The following EPB41 variants were observed in gnomAD, a reference collection of about 807,000 sequenced individuals.
EPB41 encodes the protein erythrocyte membrane protein band 4.1.
In EPB41, 65 loss-of-function variants were observed where a neutral mutation model predicts 108.0. The observed-to-expected ratio is 0.60, with a 90% CI of 0.49 to 0.74. The LOEUF (loss-of-function observed/expected upper bound fraction) is 0.74. Among genes scored for constraint, EPB41 ranks in the 30% least tolerant of loss-of-function variants. EPB41 has a pLI of 0.00. For synonymous variants in EPB41, 336 were observed against 358.9 expected (o/e 0.94, Z 0.72); for missense variants, 875 against 1,037.0 (o/e 0.84, Z 2.15).
chr1:29,045,807 T>TGA (rs1231556827), intron 11 of EPB41, among the ~76,000 whole-genome samples: 2 of 103,774 alleles, frequency 1.9e-5, no homozygotes, highest in African/African-American at 3.5e-5. Context: ...ACCCTGTCTC[T>TGA]AAAAAAAAAA....
At chr1:28,963,018 T>A (rs2095263095) in intron 1 of EPB41, among the ~76,000 whole-genome samples, 1 of 152,232 alleles carries the variant, frequency 6.6e-6, no homozygotes, top group African/African-American at 2.4e-5. Context: ...GATTTTTAGA[T>A]ATCTTTGCAT....
intron 1 of EPB41, among the ~76,000 whole-genome samples, chr1:28,953,237 C>T (rs908260293): frequency 6.6e-6 from 1 of 152,002 alleles, no homozygotes; most frequent in Non-Finnish European, 1.5e-5. Flanking sequence ...ATCATTTATC[C>T]TGTAGAATTT....
At chr1:29,111,166 CAA>C (rs1313702265) in intron 18 of EPB41, among the ~76,000 whole-genome samples, 12 of 108,666 alleles carry the variant, frequency 1.1e-4, no homozygotes, top group Non-Finnish European at 1.2e-4. Context: ...GACTCCATCT[CAA>C]AAAAAAAAAA....
chr1:29,083,933 G>A (rs1025448276), intron 16 of EPB41, among the ~76,000 whole-genome samples: 6 of 152,096 alleles, frequency 3.9e-5, no homozygotes, highest in Non-Finnish European at 7.4e-5. Context: ...GACCATCTGG[G>A]GGTATTACTT....
chr1:28,898,837 C>A (rs1351981857), intron 1 of EPB41, among the ~76,000 whole-genome samples: 1 of 152,254 alleles, frequency 6.6e-6, no homozygotes, highest in Non-Finnish European at 1.5e-5. Flanking sequence ...GAGGCCAAAG[C>A]CAGCAGCAGC....
At chr1:28,949,248 A>G (rs2148929547) in intron 1 of EPB41, among the ~76,000 whole-genome samples, 1 of 152,326 alleles carries the variant, frequency 6.6e-6, no homozygotes, top group East Asian at 1.9e-4. Context: ...GTTTGGGACC[A>G]GCTTGGGCAA....
chr1:28,887,285 C>CAA lies in EPB41; in HGVS notation c.-8+76_-8+77dup. 8.0e-7 allele frequency: 1 copy of CAA among 1,249,018 alleles called. No individual in the cohort carries two copies. The allele number at this position is 1,249,018 out of a possible 1,614,324, so 77.4% of individuals were successfully genotyped here. ...GGTTAGGGACAGAAGAACCTACCCCCAAGGGCTCGGACCGTCCCGGGAGAG... is the reference window on the plus strand; with the variant it reads ...GGTTAGGGACAGAAGAACCTACCCCCAAAAGGGCTCGGACCGTCCCGGGAGAG... On this transcript the variant is annotated intron_variant, in intron 1 of 16. Transcript: ENST00000347529. This position sits in a 1 kb window ranked among gnomAD's most constrained non-coding sequence, Gnocchi z 4.9.
chr1:29,051,469 G>A (rs898999779), intron 11 of EPB41, among the ~76,000 whole-genome samples: 2 of 152,016 alleles, frequency 1.3e-5, no homozygotes, highest in African/African-American at 4.8e-5. Context: ...TCAGATTCAT[G>A]GAATTCCTTT....
chr1:29,057,686 A>G (rs1390421084), intron 12 of EPB41, among the ~76,000 whole-genome samples: 1 of 152,158 alleles, frequency 6.6e-6, no homozygotes, highest in Non-Finnish European at 1.5e-5. Context: ...AAAATATCCA[A>G]TGCTTTGGGC....
intron 16 of EPB41, among the ~76,000 whole-genome samples, chr1:29,095,859 A>G (rs1031257672): frequency 1.1e-4 from 16 of 152,348 alleles, no homozygotes; most frequent in African/African-American, 3.4e-4. Context: ...AGGAATGACA[A>G]AGTAACTCCT....
intron 1 of EPB41, among the ~76,000 whole-genome samples, chr1:28,891,807 G>A (rs560819016): frequency 1.3e-5 from 2 of 151,962 alleles, no homozygotes; most frequent in African/African-American, 2.4e-5. Context: ...TAACACCACC[G>A]GCCGGGCATG....
At chr1:29,016,252 TG>T (rs2096576861) in intron 6 of EPB41, among the ~76,000 whole-genome samples, 2 of 152,142 alleles carry the variant, frequency 1.3e-5, no homozygotes, top group African/African-American at 4.8e-5. Context: ...CCTGGCTCAC[TG>T]CAACCTCAGC....
chr1:29,023,817 T>C (rs777062987), intron 7 of EPB41, among the ~76,000 whole-genome samples: 9 of 152,010 alleles, frequency 5.9e-5, no homozygotes, highest in Non-Finnish European at 1.2e-4. Flanking sequence ...TAGGGCACCA[T>C]AGTTAAAATC....
At chr1:29,001,175 C>T (rs2096286137) in intron 4 of EPB41, among the ~76,000 whole-genome samples, 1 of 152,064 alleles carries the variant, frequency 6.6e-6, no homozygotes, top group Non-Finnish European at 1.5e-5. Flanking sequence ...ACTGAAAATA[C>T]AAAAATTAGC....
At chr1:29,014,873 C>T (rs527592317) in intron 5 of EPB41, among the ~76,000 whole-genome samples, 37 of 152,344 alleles carry the variant, frequency 2.4e-4, no homozygotes, top group South Asian at 6.2e-4. Context: ...AGGCCAGGCA[C>T]GATGGCTTAT....
At chr1:28,953,385 G>C (rs1202921922) in intron 1 of EPB41, among the ~76,000 whole-genome samples, 1 of 152,046 alleles carries the variant, frequency 6.6e-6, no homozygotes, top group Non-Finnish European at 1.5e-5. Context: ...AACCATGCGG[G>C]CCTTTTGCTG....
At chr1:29,069,517 C>T (rs1650219594) in intron 16 of EPB41, 1 of 1,020,814 alleles carries the variant, frequency 9.8e-7, no homozygotes, top group Non-Finnish European at 1.2e-6. Context: ...CTTTTGCAAT[C>T]TTTAAAATGT....
chr1:29,080,351 C>G (rs1186695519), intron 16 of EPB41, among the ~76,000 whole-genome samples: 1 of 151,710 alleles, frequency 6.6e-6, no homozygotes, highest in African/African-American at 2.4e-5. Context: ...ATCCGCCCAC[C>G]TTGGCCTCCC....
In EPB41 at chr1:29,097,816, G is replaced by A; in HGVS notation, c.2194G>A (p.Val732Met). The change falls in exon 17 of 21, where the codon GTG (valine) becomes ATG (methionine). Residue 732 changes from valine to methionine, a missense_variant. Physicochemically the swap from Val to Met is conservative, Grantham distance 21. Coordinates refer to ENST00000343067, the MANE Select transcript of EPB41 (RefSeq NM_001376013.1). ...CCTTACTGCTTCACAGCCTCCCCTGGTGAAGACACAAACTGTCACCATCTC... is the reference window on the plus strand; with the variant it reads ...CCTTACTGCTTCACAGCCTCCCCTGATGAAGACACAAACTGTCACCATCTC... ...QIPTGEGPPL[V>M]KTQTVTISDN... is the part of the protein sequence containing the mutation. The A allele has an allele frequency of 6.2e-7, 1 of 1,613,954 alleles. No individual in the cohort carries two copies. The highest frequency in any genetic ancestry group is 8.5e-7 in the Non-Finnish European group (1 of 1,179,898).
Sources: gnomAD v4.1 joint callset for allele counts (sites outside exome capture counted in the v4.1 genomes callset) on GRCh38, gnomAD v4.1.1 for gene constraint, Gnocchi (gnomAD v3.1) non-coding constraint, MANE v1.5 for transcripts, NCBI Gene and HGNC (gene_info 2026-07-23, HGNC 2026-07-21) for gene names.